Variants in CAMSAP1 observed in about 807,000 individuals in gnomAD.
CAMSAP1 encodes calmodulin regulated spectrin associated protein 1, also known as calmodulin-regulated spectrin-associated protein 1.
Under a neutral mutation model 143.5 loss-of-function variants are expected in CAMSAP1, and 58 were observed. The ratio of observed to expected loss-of-function variants is 0.40; its 90% CI spans 0.33 to 0.50. CAMSAP1 has a LOEUF of 0.50. Ranked by LOEUF, CAMSAP1 falls within the 20% of genes least tolerant of loss-of-function variation. The probability of loss-of-function intolerance (pLI) is 0.45; values close to 1 mark genes in which losing one functional copy is unlikely to be tolerated. For missense variants in CAMSAP1, 1,969 were observed against 2,115.7 expected, an observed-to-expected ratio of 0.93 and a Z score of 1.36; for synonymous variants, 945 against 859.3, an observed-to-expected ratio of 1.10 and a Z score of -1.74.
chr9:135,874,564 G>C (rs1220400293), intron 3 of CAMSAP1, among the ~76,000 whole-genome samples: 2 of 151,362 alleles, frequency 1.3e-5, no homozygotes, highest in Non-Finnish European at 2.9e-5. Context: ...TCATTTCAAT[G>C]GTTAATACAG....
Position 135,810,939 on chromosome 9 carries a change from G to A in CAMSAP1, c.*370C>T, listed in dbSNP as rs1057424666. 1.2e-5 allele frequency: 3 copies of A among 246,408 alleles called. No homozygotes were observed. The highest frequency in any genetic ancestry group is 2.4e-5 in the Non-Finnish European group (3 of 126,902). 15.3% of individuals were successfully genotyped at this position (246,408 alleles called of 1,614,324 possible). ...AGGTGAGAAGCAAGAAAGCAAAGTG[G>A]ATCACGTCTAATCTATGCTGAAGGA... On this transcript the variant is annotated 3_prime_UTR_variant, in exon 17 of 17. Coordinates refer to ENST00000389532, the MANE Select transcript of CAMSAP1 (RefSeq NM_015447.4).
chr9:135,837,504 C>A (rs1329938003), intron 7 of CAMSAP1, among the ~76,000 whole-genome samples: 2 of 149,978 alleles, frequency 1.3e-5, no homozygotes, highest in Non-Finnish European at 3.0e-5. Flanking sequence ...CACTTTCTAC[C>A]GGTTCTACAG....
In CAMSAP1 at chr9:135,823,987, G is replaced by A. The variant is rs1161315976; in HGVS notation, c.1363C>T (p.Arg455Ter). ...NSLTRVDGQP[R>*]GAAIAWPEKK... ...TCTGGCCAGGCTATTGCTGCTCCTCGAGGCTGACCATCAACTCGGGTCAAA... is the reference window on the plus strand; with the variant it reads ...TCTGGCCAGGCTATTGCTGCTCCTCAAGGCTGACCATCAACTCGGGTCAAA... Residue 455 changes from arginine to a stop codon, truncating the protein, a stop_gained, in exon 10 of 17, where the codon CGA (arginine) becomes TGA (stop). Coordinates refer to ENST00000389532, the MANE Select transcript of CAMSAP1 (RefSeq NM_015447.4). LOFTEE classifies it high-confidence loss of function. 3 of 1,589,624 alleles carry A rather than the reference G, an allele frequency of 1.9e-6. No homozygotes were observed. Among genetic ancestry groups the A allele is most frequent in the Non-Finnish European group, 2.6e-6 (3 of 1,167,656 alleles).
chr9:135,819,672 T>TTA (rs753560314), intron 11 of CAMSAP1, among the ~76,000 whole-genome samples: 1 of 104,632 alleles, frequency 9.6e-6, no homozygotes, highest in African/African-American at 3.9e-5. Context: ...TGTCTCCACT[T>TTA]AAAAAAAAAA....
intron 7 of CAMSAP1, among the ~76,000 whole-genome samples, chr9:135,835,093 ATG>A (rs1365066352): frequency 6.6e-6 from 1 of 152,050 alleles, no homozygotes; most frequent in African/African-American, 2.4e-5. Flanking sequence ...CTGAGGCAAA[ATG>A]TGTCCATTTG....
Position 135,811,492 on chromosome 9 carries a change from C to T in CAMSAP1, c.4626G>A (p.Thr1542=), listed in dbSNP as rs754883208. The T allele has an allele frequency of 5.7e-5, 91 of 1,610,462 alleles. No individual in the cohort carries two copies. The highest frequency in any genetic ancestry group is 2.7e-4 in the African/African-American group (20 of 74,886). ...TTTTCTTGGTGATGTTCTTTGGCCC[C>T]GTGCCAGTGAGTTTGTAGATTTCCT... is the stretch of plus-strand genomic sequence containing the variant. ...DTEEIYKLTG[T]GPKNITKKMI... is the part of the protein sequence containing the mutation. The change falls in exon 17 of 17, where the codon ACG becomes ACA. Residue 1542 remains threonine (T), a synonymous_variant. Transcript: ENST00000389532. This position sits in a 1 kb window ranked among gnomAD's most constrained non-coding sequence, Gnocchi z 4.9.
chr9:135,820,359 CTTCAT>C lies in CAMSAP1; in HGVS notation c.3822+475_3822+479del, dbSNP rs1835400032. Among the ~76,000 whole-genome samples the C allele has an allele frequency of 6.6e-6, 1 of 152,136 alleles. No homozygotes were observed. Among genetic ancestry groups the C allele is most frequent in the African/African-American group, 2.4e-5 (1 of 41,416 alleles). ...TTAAAACAGTTCAGTTTACGCTTCCCTTCATATCTAAGGAAAAAATTACAAGAAAA... is the reference window on the plus strand; with the variant it reads ...TTAAAACAGTTCAGTTTACGCTTCCCATCTAAGGAAAAAATTACAAGAAAA... On this transcript the variant is annotated intron_variant, in intron 11 of 16. Transcript: ENST00000389532. This position sits in a 1 kb window ranked among gnomAD's most constrained non-coding sequence, Gnocchi z 4.4.
intron 5 of CAMSAP1, among the ~76,000 whole-genome samples, chr9:135,859,248 T>A (rs371563597): frequency 6.6e-5 from 10 of 152,224 alleles, no homozygotes; most frequent in African/African-American, 2.2e-4. Context: ...TTACTGTCTG[T>A]AAGTGAGCAG....
At chr9:135,857,312 T>C (rs921535791) in intron 5 of CAMSAP1, among the ~76,000 whole-genome samples, 2 of 152,228 alleles carry the variant, frequency 1.3e-5, no homozygotes, top group Non-Finnish European at 2.9e-5. Context: ...TCTCTTTGCT[T>C]TTCTGGTTCT....
chr9:135,864,805 G>A (rs548551513), intron 4 of CAMSAP1, among the ~76,000 whole-genome samples: 12 of 152,276 alleles, frequency 7.9e-5, no homozygotes, highest in Admixed American at 3.9e-4. Context: ...CATGCAGGCC[G>A]AGGCAGCAGG....
At chr9:135,851,683 A>G (rs924535238) in intron 5 of CAMSAP1, among the ~76,000 whole-genome samples, 8 of 152,228 alleles carry the variant, frequency 5.3e-5, no homozygotes, top group African/African-American at 1.9e-4. Context: ...GTATCAAGCT[A>G]TGCCTCATTT....
At position 135,818,993 on chromosome 9, in the gene CAMSAP1, C is replaced by T. The variant is rs765241900; in HGVS notation, c.3959+17G>A. 4 of 1,602,954 alleles carry T rather than the reference C, an allele frequency of 2.5e-6. No individual in the cohort carries two copies. The highest frequency in any genetic ancestry group is 2.2e-5 in the East Asian group (1 of 44,662). ...GGCTCCTGCTCAGTCTGCTTTCCCC[C>T]CCGGCGGGACGCTTACCGGGCTTCG... On this transcript the variant is annotated intron_variant, in intron 12 of 16. Transcript: ENST00000389532. The surrounding 1 kb of genome is among the most constrained non-coding windows in gnomAD (Gnocchi z 7.7).
chr9:135,874,477 A>AG lies in CAMSAP1; in HGVS notation c.585+7155_585+7156insC, dbSNP rs1418047783. Among the ~76,000 whole-genome samples, 152 of 45,656 alleles carry AG rather than the reference A, an allele frequency of 3.3e-3. 3 individuals are homozygous for AG. Among genetic ancestry groups the AG allele is most frequent in the East Asian group, 0.011 (8 of 742 alleles). 30.0% of individuals were successfully genotyped at this position (45,656 alleles called of 152,430 possible). A position where few individuals can be genotyped will look rare whatever the true frequency, so the allele number is the denominator to read the frequency against. On this transcript the variant is annotated intron_variant, in intron 3 of 16. Transcript: ENST00000389532. ...CACAGGGTGAGACCCTGTCTCAAAAAAGGGGGGGGGGGGCCACAGGGGCCG... is the reference window on the plus strand; with the variant it reads ...CACAGGGTGAGACCCTGTCTCAAAAAGAGGGGGGGGGGGGCCACAGGGGCCG...
chr9:135,817,336 G>A (rs1835265174), intron 14 of CAMSAP1, among the ~76,000 whole-genome samples: 1 of 152,162 alleles, frequency 6.6e-6, no homozygotes, highest in South Asian at 2.1e-4. Context: ...ACACACTTAA[G>A]TATTTAAGCA....
chr9:135,883,181 G>A, intron 1 of CAMSAP1, 103 bp from the exon 2 acceptor site: 1 of 1,239,882 alleles, frequency 8.1e-7, no homozygotes, highest in Non-Finnish European at 1.1e-6. Context: ...ACTCCAGCCT[G>A]GGCAACACAG....
intron 5 of CAMSAP1, among the ~76,000 whole-genome samples, chr9:135,851,335 C>T (rs190751817): frequency 2.1e-4 from 32 of 152,286 alleles, no homozygotes; most frequent in Admixed American, 9.8e-4. Context: ...CAAACTGGAG[C>T]CACAGCATCC....
chr9:135,844,030 C>G (rs978044251), intron 7 of CAMSAP1, among the ~76,000 whole-genome samples: 3 of 152,066 alleles, frequency 2.0e-5, no homozygotes, highest in African/African-American at 7.2e-5. Context: ...ACCCCACTGT[C>G]AATATTAGAC....
intron 1 of CAMSAP1, among the ~76,000 whole-genome samples, chr9:135,883,497 A>G (rs1013170298): frequency 1.3e-5 from 2 of 152,212 alleles, no homozygotes; most frequent in African/African-American, 4.8e-5. Context: ...TGGGGACACC[A>G]GCGGAGACAG....
chr9:135,890,641 G>A (rs1014109493), intron 1 of CAMSAP1, among the ~76,000 whole-genome samples: 4 of 152,166 alleles, frequency 2.6e-5, no homozygotes, highest in African/African-American at 9.7e-5. Flanking sequence ...CAGGGGACTA[G>A]AGCACGGCTC....
Sources: gnomAD v4.1 joint callset for allele counts (sites outside exome capture counted in the v4.1 genomes callset) on GRCh38, gnomAD v4.1.1 for gene constraint, Gnocchi (gnomAD v3.1) non-coding constraint, MANE v1.5 for transcripts, NCBI Gene and HGNC (gene_info 2026-07-23, HGNC 2026-07-21) for gene names.